Variants in NOX4 observed in about 807,000 individuals in gnomAD.
NOX4 encodes the protein kidney oxidase-1.
NOX4 carries 69 observed loss-of-function variants against 87.6 expected under a neutral mutation model. That is an observed-to-expected ratio of 0.79 (90% CI 0.65 to 0.96). The LOEUF is 0.96. Ranked by LOEUF, NOX4 falls within the 40% of genes least tolerant of loss-of-function variation. The probability of loss-of-function intolerance (pLI) is 0.00; values close to 1 mark genes in which losing one functional copy is unlikely to be tolerated. For missense variants in NOX4, 680 were observed against 681.5 expected, an observed-to-expected ratio of 1.00 and a Z score of 0.02; for synonymous variants, 275 against 238.2, an observed-to-expected ratio of 1.15 and a Z score of -1.42.
intron 11 of NOX4, among the ~76,000 whole-genome samples, chr11:89,385,266 CACTTT>C (rs993656773): frequency 3.0e-4 from 46 of 152,292 alleles, no homozygotes; most frequent in African/African-American, 9.9e-4. Context: ...TTCTCAAGGC[CACTTT>C]ACTTCCAAAG....
chr11:89,472,421 T>C (rs1945986111), intron 2 of NOX4, among the ~76,000 whole-genome samples: 1 of 152,028 alleles, frequency 6.6e-6, no homozygotes, highest in African/African-American at 2.4e-5. Flanking sequence ...AAAAAAAAGG[T>C]GTAATTTTTT....
chr11:89,394,733 ATGAG>A (rs1332602003), intron 11 of NOX4, among the ~76,000 whole-genome samples: 1 of 151,598 alleles, frequency 6.6e-6, no homozygotes, highest in Admixed American at 6.6e-5. Flanking sequence ...ATTCCCACCT[ATGAG>A]TGAGAACATG....
At chr11:89,407,341 C>G (rs1371586096) in intron 8 of NOX4, among the ~76,000 whole-genome samples, 2 of 151,958 alleles carry the variant, frequency 1.3e-5, no homozygotes, top group Non-Finnish European at 2.9e-5. Context: ...GTTATAATGA[C>G]ATGGTGAGGG....
intron 12 of NOX4, among the ~76,000 whole-genome samples, chr11:89,367,919 G>A (rs961917191): frequency 1.1e-4 from 16 of 151,808 alleles, no homozygotes; most frequent in African/African-American, 3.6e-4. Flanking sequence ...TTTTTTCTCC[G>A]TGGAATAATC....
chr11:89,368,514 C>G (rs1245441077), intron 12 of NOX4, among the ~76,000 whole-genome samples: 1 of 152,032 alleles, frequency 6.6e-6, no homozygotes, highest in African/African-American at 2.4e-5. Flanking sequence ...CCTTACATAA[C>G]AGAAGAGCAA....
At chr11:89,392,248 C>A (rs1941182437) in intron 11 of NOX4, among the ~76,000 whole-genome samples, 1 of 152,132 alleles carries the variant, frequency 6.6e-6, no homozygotes, top group Non-Finnish European at 1.5e-5. Flanking sequence ...ATCTCTTGCA[C>A]TTCTGAACCT....
chr11:89,382,484 A>G (rs1940362060), intron 11 of NOX4, among the ~76,000 whole-genome samples: 1 of 152,078 alleles, frequency 6.6e-6, no homozygotes, highest in Non-Finnish European at 1.5e-5. Flanking sequence ...TCTTTTACAC[A>G]TTGGTCCCTC....
chr11:89,465,331 T>C (rs181626288), intron 2 of NOX4, among the ~76,000 whole-genome samples: 3,135 of 152,326 alleles, frequency 0.021, 116 homozygotes, highest in African/African-American at 0.07. Flanking sequence ...TTTTTATGGC[T>C]GCATAGTATT....
At chr11:89,516,613 T>A in the NOX4 span, among the ~76,000 whole-genome samples, 1 of 152,104 alleles carries the variant, frequency 6.6e-6, no homozygotes, top group African/African-American at 2.4e-5. Context: ...TAGGCTCCTA[T>A]CTGATCTCTG....
At chr11:89,390,999 G>C (rs1391490767) in intron 11 of NOX4, among the ~76,000 whole-genome samples, 1 of 152,106 alleles carries the variant, frequency 6.6e-6, no homozygotes, top group Non-Finnish European at 1.5e-5. Context: ...GGAAGACTGT[G>C]CTATAAAGAG....
At chr11:89,431,150 G>T (rs763656932) in intron 7 of NOX4, among the ~76,000 whole-genome samples, 10 of 152,148 alleles carry the variant, frequency 6.6e-5, no homozygotes, top group South Asian at 2.1e-4. Flanking sequence ...CTGGCTAGTT[G>T]TATGTAGAAA....
chr11:89,467,091 G>T (rs1945727166), intron 2 of NOX4, among the ~76,000 whole-genome samples: 1 of 152,028 alleles, frequency 6.6e-6, no homozygotes, highest in Admixed American at 6.5e-5. Context: ...GCTCACACCT[G>T]TAATCCCAGC....
At chr11:89,392,714 GA>G (rs375667286) in intron 11 of NOX4, among the ~76,000 whole-genome samples, 1 of 151,600 alleles carries the variant, frequency 6.6e-6, no homozygotes, top group Non-Finnish European at 1.5e-5. Flanking sequence ...CAGTGAATAT[GA>G]AAAAAAAGAA....
At chr11:89,458,548 A>G (rs1208931666) in intron 2 of NOX4, among the ~76,000 whole-genome samples, 1 of 152,214 alleles carries the variant, frequency 6.6e-6, no homozygotes, top group Non-Finnish European at 1.5e-5. Context: ...TTTGAAAACC[A>G]TGCATATGAC....
intron 2 of NOX4, among the ~76,000 whole-genome samples, chr11:89,487,499 C>T (rs954525020): frequency 6.6e-6 from 1 of 152,144 alleles, no homozygotes; most frequent in Non-Finnish European, 1.5e-5. Flanking sequence ...CAACTTTATA[C>T]TCAAAGCTAT....
At chr11:89,439,757 G>A (rs552853261) in intron 6 of NOX4, among the ~76,000 whole-genome samples, 15 of 152,152 alleles carry the variant, frequency 9.9e-5, no homozygotes, top group African/African-American at 3.6e-4. Context: ...TTTAACATCA[G>A]GGGAAATTTT....
intron 13 of NOX4, among the ~76,000 whole-genome samples, 175 bp from the exon 14 acceptor site, chr11:89,342,368 G>A (rs1279891146): frequency 6.6e-6 from 1 of 152,156 alleles, no homozygotes; most frequent in Non-Finnish European, 1.5e-5. Flanking sequence ...CTTATGAAGT[G>A]TCAAGATTAA....
At chr11:89,520,077 T>C in the NOX4 span, among the ~76,000 whole-genome samples, 2 of 151,972 alleles carry the variant, frequency 1.3e-5, no homozygotes, top group Admixed American at 6.6e-5. Flanking sequence ...ACCATTATGA[T>C]CAGGGAGCAA....
intron 9 of NOX4, among the ~76,000 whole-genome samples, chr11:89,401,634 T>A (rs1358847128): frequency 6.6e-6 from 1 of 152,078 alleles, no homozygotes; most frequent in African/African-American, 2.4e-5. Flanking sequence ...AGGGCCCTTA[T>A]TGAACTAATC....
Sources: gnomAD v4.1 joint callset for allele counts (sites outside exome capture counted in the v4.1 genomes callset) on GRCh38, gnomAD v4.1.1 for gene constraint, MANE v1.5 for transcripts, NCBI Gene and HGNC (gene_info 2026-07-23, HGNC 2026-07-21) for gene names.